The following JARID2 variants were observed in gnomAD, a reference collection of about 807,000 sequenced individuals.
JARID2 encodes jumonji and AT-rich interaction domain containing 2, also known as protein Jumonji.
Under a neutral mutation model 125.6 loss-of-function variants are expected in JARID2, and 21 were observed. That is an observed-to-expected ratio of 0.17 (90% confidence interval 0.12 to 0.24). The LOEUF (loss-of-function observed/expected upper bound fraction) is 0.24, where lower values mean the gene tolerates loss of function less well. JARID2 is among the 10% of genes least tolerant of loss of function. The pLI, the probability that JARID2 is intolerant of heterozygous loss-of-function variation, is 1.00. For missense variants in JARID2, 1,303 were observed against 1,639.6 expected (o/e 0.79, Z 3.55); for synonymous variants, 736 against 661.6 (o/e 1.11, Z -1.73).
intron 3 of JARID2, among the ~76,000 whole-genome samples, chr6:15,441,491 G>T (rs986728298): frequency 6.6e-6 from 1 of 152,192 alleles, no homozygotes; most frequent in African/African-American, 2.4e-5. Context: ...TTTGCAGTGG[G>T]TGGGGAAATT....
chr6:15,282,287 T>C (rs1280012752), intron 1 of JARID2, among the ~76,000 whole-genome samples: 1 of 148,982 alleles, frequency 6.7e-6, no homozygotes, highest in African/African-American at 2.5e-5. Flanking sequence ...TCCGAAAACC[T>C]TCAGCCAATC....
At chr6:15,458,507 T>A (rs928711420) in intron 4 of JARID2, among the ~76,000 whole-genome samples, 4 of 152,284 alleles carry the variant, frequency 2.6e-5, no homozygotes, top group Non-Finnish European at 5.9e-5. Flanking sequence ...TTCTTCTGTC[T>A]TACAGAATCT....
chr6:15,405,701 G>A (rs1305646505), intron 2 of JARID2, among the ~76,000 whole-genome samples: 4 of 152,120 alleles, frequency 2.6e-5, no homozygotes, highest in South Asian at 2.1e-4. Flanking sequence ...AAATAAAAAC[G>A]GTTTGAGTGT....
chr6:15,344,859 CA>C lies in JARID2; in HGVS notation c.46-29252del, dbSNP rs960786724. Among the ~76,000 whole-genome samples, 8 of 151,974 alleles carry C rather than the reference CA, an allele frequency of 5.3e-5. 1 individual carries two copies. In the East Asian group the frequency reaches 1.4e-3, roughly 26 times the overall value. On this transcript the variant is annotated intron_variant, in intron 1 of 17. Coordinates refer to ENST00000341776, the MANE Select transcript of JARID2 (RefSeq NM_004973.4). ...ATGCTATTAATAATAATAAAAATATCAAAAAACGTTTTGAAGGCATTGCATT... is the reference window on the plus strand; with the variant it reads ...ATGCTATTAATAATAATAAAAATATCAAAAACGTTTTGAAGGCATTGCATT...
intron 2 of JARID2, among the ~76,000 whole-genome samples, chr6:15,401,627 C>T (rs553911731): frequency 6.6e-6 from 1 of 152,258 alleles, no homozygotes; most frequent in Admixed American, 6.5e-5. Context: ...ATCCTGAGAC[C>T]TGAAGTGGTT....
intron 2 of JARID2, among the ~76,000 whole-genome samples, chr6:15,402,041 C>G (rs202111465): frequency 3.3e-5 from 5 of 152,000 alleles, no homozygotes; most frequent in East Asian, 1.9e-4. Context: ...CCCTCCTAGT[C>G]ATGCTACAAA....
intron 1 of JARID2, among the ~76,000 whole-genome samples, chr6:15,341,032 A>G (rs1484380478): frequency 6.6e-6 from 1 of 152,204 alleles, no homozygotes; most frequent in Non-Finnish European, 1.5e-5. Context: ...AAGTGAAACA[A>G]AAGAGACTGT....
intron 1 of JARID2, among the ~76,000 whole-genome samples, chr6:15,270,922 C>G (rs1022953162): frequency 6.6e-6 from 1 of 151,444 alleles, no homozygotes; most frequent in South Asian, 2.1e-4. Context: ...GCCTGGGCAA[C>G]AGAGCAAGGC....
At chr6:15,514,726 T>G (rs1040945553) in intron 16 of JARID2, among the ~76,000 whole-genome samples, 2 of 152,192 alleles carry the variant, frequency 1.3e-5, no homozygotes, top group African/African-American at 2.4e-5. Flanking sequence ...AATCACATTG[T>G]ATCAGATAGG....
chr6:15,498,672 C>T (rs1053926452), intron 7 of JARID2, among the ~76,000 whole-genome samples: 4 of 152,236 alleles, frequency 2.6e-5, no homozygotes, highest in South Asian at 2.1e-4. Context: ...ATGGAGGTTT[C>T]GTGGTTCCCC....
chr6:15,460,847 G>A (rs979941757), intron 4 of JARID2, among the ~76,000 whole-genome samples: 1 of 152,220 alleles, frequency 6.6e-6, no homozygotes, highest in Non-Finnish European at 1.5e-5. Context: ...TGGGAATACA[G>A]ACGTGCCCCA....
intron 1 of JARID2, among the ~76,000 whole-genome samples, chr6:15,264,208 T>G (rs556762375): frequency 6.6e-6 from 1 of 152,274 alleles, no homozygotes; most frequent in South Asian, 2.1e-4. Flanking sequence ...GGAGCACATG[T>G]CTTGGTGTGG....
intron 1 of JARID2, among the ~76,000 whole-genome samples, chr6:15,265,167 C>T (rs1760034199): frequency 6.6e-6 from 1 of 152,124 alleles, no homozygotes; most frequent in Non-Finnish European, 1.5e-5. Flanking sequence ...GGCACATCGT[C>T]TGCCCTTTAA....
intron 3 of JARID2, among the ~76,000 whole-genome samples, chr6:15,421,344 G>T (rs990666730): frequency 6.6e-5 from 10 of 151,396 alleles, no homozygotes. Context: ...GAGTGTGAGA[G>T]AGACACGTAC....
chr6:15,369,320 AATT>A (rs1175190094), intron 1 of JARID2: 1 of 474,004 alleles, frequency 2.1e-6, no homozygotes, highest in Non-Finnish European at 4.3e-6. Context: ...TTGTAAAAAA[AATT>A]ATGACCATAT....
chr6:15,469,257 C>G (rs1379459628), intron 5 of JARID2, among the ~76,000 whole-genome samples: 1 of 145,012 alleles, frequency 6.9e-6, no homozygotes. Context: ...GCCTAGTGGT[C>G]TTTTCTCTCT....
intron 6 of JARID2, among the ~76,000 whole-genome samples, chr6:15,489,873 C>G (rs1217572855): frequency 3.9e-5 from 6 of 152,216 alleles, no homozygotes; most frequent in Admixed American, 3.9e-4. Context: ...CACTTTCTCC[C>G]TCTTCCCTCT....
At chr6:15,327,170 T>A (rs1762558393) in intron 1 of JARID2, among the ~76,000 whole-genome samples, 1 of 152,196 alleles carries the variant, frequency 6.6e-6, no homozygotes, top group Admixed American at 6.5e-5. Flanking sequence ...TTTTCTTTTT[T>A]GGGGTTGGTG....
At position 15,246,344 on chromosome 6, in the gene JARID2, C is replaced by CT. The variant is rs1288751647; in HGVS notation, c.-187dup. 5.3e-4 allele frequency: 297 copies of CT among 562,314 alleles called. No homozygotes were observed. The highest frequency in any genetic ancestry group is 1.2e-3 in the South Asian group (51 of 43,970). The allele number at this position is 562,314 out of a possible 1,614,324, so 34.8% of individuals were successfully genotyped here. On this transcript the variant is annotated 5_prime_UTR_variant, in exon 1 of 18. Transcript: ENST00000341776. ...TTGTTTGCTTCGTTCGTCTTTGGCTCTTTTTTTTTCCTTCCCAATTTCGGA... is the reference window on the plus strand; with the variant it reads ...TTGTTTGCTTCGTTCGTCTTTGGCTCTTTTTTTTTTCCTTCCCAATTTCGGA...
Sources: allele counts gnomAD v4.1 joint callset (sites outside exome capture counted in the v4.1 genomes callset), GRCh38; gene constraint gnomAD v4.1.1; transcripts MANE v1.5; gene names NCBI Gene and HGNC (gene_info 2026-07-23, HGNC 2026-07-21).